ARID4A: variants seen among roughly 807,000 people sequenced by gnomAD.
ARID4A encodes AT-rich interaction domain 4A, also known as AT-rich interactive domain-containing protein 4A.
A neutral mutation model predicts 148.6 loss-of-function variants in ARID4A; 39 were observed. The observed-to-expected ratio is 0.26, with a 90% CI of 0.20 to 0.34. The LOEUF is 0.34. Among genes scored for constraint, ARID4A ranks in the 10% least tolerant of loss-of-function variants. The pLI is 1.00. For synonymous variants in ARID4A, 475 were observed against 481.2 expected, an observed-to-expected ratio of 0.99 and a Z score of 0.17; for missense variants, 1,265 against 1,449.1, an observed-to-expected ratio of 0.87 and a Z score of 2.06.
chr14:58,319,129 G>A (rs1257880537), intron 7 of ARID4A, among the ~76,000 whole-genome samples: 2 of 152,096 alleles, frequency 1.3e-5, no homozygotes, highest in Admixed American at 6.6e-5. Flanking sequence ...GTGCAATCTC[G>A]GCTCACTGCA....
intron 12 of ARID4A, 112 bp from the exon 13 acceptor site, chr14:58,346,299 T>TA (rs2034362754): frequency 1.6e-6 from 1 of 626,730 alleles, no homozygotes; most frequent in Non-Finnish European, 2.7e-6. Context: ...GCTCTTTAAA[T>TA]ATGTGCCTCT....
In ARID4A at chr14:58,366,054, T is replaced by C; in HGVS notation, c.3347T>C (p.Val1116Ala). 1 of 1,613,684 alleles carries C rather than the reference T, an allele frequency of 6.2e-7. No homozygotes were observed. The highest frequency in any genetic ancestry group is 8.5e-7 in the Non-Finnish European group (1 of 1,179,646). Residue 1116 changes from valine (V) to alanine (A), a missense_variant, in exon 22 of 24, where the codon GTC becomes GCC. By Grantham distance (64) the Val-to-Ala change is moderately conservative. This residue lies in a region of ARID4A where 666 missense variants were observed against 730.9 expected (regional missense o/e 0.91). Transcript: ENST00000355431. ...GQSSDSEDLP[V>A]LDNSSKCTPV... is the part of the protein sequence containing the mutation. ...AGCAGTGATAGTGAAGATCTTCCTG[T>C]CCTAGACAATTCAAGTAAATGTACC...
chr14:58,344,414 G>A (rs1042289064), intron 11 of ARID4A, among the ~76,000 whole-genome samples: 2 of 152,050 alleles, frequency 1.3e-5, no homozygotes, highest in African/African-American at 4.8e-5. Flanking sequence ...AGGTGAAAAC[G>A]TAACACTCCC....
intron 15 of ARID4A, among the ~76,000 whole-genome samples, chr14:58,350,354 C>T (rs548693886): frequency 1.2e-4 from 18 of 152,054 alleles, no homozygotes; most frequent in Non-Finnish European, 2.4e-4. Context: ...CTGCTTTATT[C>T]CAAGAAGAGG....
At chr14:58,323,896 CTTTTTT>C (rs545318449) in intron 8 of ARID4A, among the ~76,000 whole-genome samples, 18 of 104,206 alleles carry the variant, frequency 1.7e-4, no homozygotes, top group Non-Finnish European at 3.3e-4. Context: ...CTTAGGTTCC[CTTTTTT>C]TTTTTTTTTT....
chr14:58,368,581 C>T (rs1423759413), intron 23 of ARID4A, among the ~76,000 whole-genome samples: 1 of 151,142 alleles, frequency 6.6e-6, no homozygotes, highest in Admixed American at 6.6e-5. Flanking sequence ...AGATAATGTA[C>T]CATATTAAAA....
chr14:58,343,308 T>A (rs2034203530), intron 11 of ARID4A, among the ~76,000 whole-genome samples: 1 of 152,260 alleles, frequency 6.6e-6, no homozygotes, highest in Non-Finnish European at 1.5e-5. Flanking sequence ...TTATAAATCA[T>A]TATGAATGAA....
Position 58,317,324 on chromosome 14 carries a change from G to A in ARID4A, c.275-1218G>A, listed in dbSNP as rs1453811225. On this transcript the variant is annotated intron_variant, in intron 5 of 23. Transcript: ENST00000355431. Reference sequence around the variant, plus strand: ...TTTTGGGACGGAGTCTTGCTCTGTCGTAGAGGCTGGAGTGCAGTGGTGCAA... The same window carrying A: ...TTTTGGGACGGAGTCTTGCTCTGTCATAGAGGCTGGAGTGCAGTGGTGCAA... Among the ~76,000 whole-genome samples the A allele has an allele frequency of 5.2e-5, 7 of 135,806 alleles. No homozygotes were observed. In the East Asian group the frequency reaches 8.7e-4, roughly 17 times the overall value. 89.1% of individuals were successfully genotyped at this position (135,806 alleles called of 152,430 possible). A position where few individuals can be genotyped will look rare whatever the true frequency, so the allele number is the denominator to read the frequency against.
At chr14:58,359,004 T>G in intron 17 of ARID4A, 128 bp from the exon 18 acceptor site, 1 of 1,048,658 alleles carries the variant, frequency 9.5e-7, no homozygotes, top group Non-Finnish European at 1.4e-6. Context: ...GCCCTTCATA[T>G]TCTTGCCAAC....
At position 58,342,744 on chromosome 14, in the gene ARID4A, C is replaced by A. The variant is rs572173627; in HGVS notation, c.907-1951C>A. Among the ~76,000 whole-genome samples the A allele has an allele frequency of 1.1e-4, 16 of 152,240 alleles. No homozygotes were observed. The East Asian group carries it at 3.1e-3, about 29-fold the overall frequency. The stretch of plus-strand genomic sequence containing the variant: ...CCTAGCCAATGTGGCGAAACCCAGT[C>A]TCTACTAAAAATACAAAAATTAGCC... On this transcript the variant is annotated intron_variant, in intron 11 of 23. Transcript: ENST00000355431.
In ARID4A at chr14:58,318,772, A is replaced by C. The variant is rs760515586; in HGVS notation, c.416A>C (p.Lys139Thr). 2 of 1,614,012 alleles carry C rather than the reference A, an allele frequency of 1.2e-6. No homozygotes were observed. Among genetic ancestry groups the C allele is most frequent in the South Asian group, 2.2e-5 (2 of 91,054 alleles). The change falls in exon 7 of 24, where the codon AAG (lysine) becomes ACG (threonine). Residue 139 changes from lysine to threonine, a missense_variant. Coordinates refer to ENST00000355431, the MANE Select transcript of ARID4A (RefSeq NM_002892.4). ...EHFGTPVIAK[K>T]TNRGRRSSLP... ...TTTGGAACTCCAGTAATTGCAAAGA[A>C]GACGAACAGAGGAAGGAGATCTTCT...
chr14:58,323,291 C>T lies in ARID4A; in HGVS notation c.450-194C>T, dbSNP rs568895435. 5.9e-5 allele frequency among the ~76,000 whole-genome samples: 9 copies of T among 152,138 alleles called. No individual in the cohort carries two copies. The South Asian group carries it at 1.9e-3, about 32-fold the overall frequency. ...ATCTGGCGAAGTGGACTCAGAGTTA[C>T]CATAGACAACTCAGGACTACATACC... On this transcript the variant is annotated intron_variant, in intron 7 of 23. Coordinates refer to ENST00000355431, the MANE Select transcript of ARID4A (RefSeq NM_002892.4).
chr14:58,354,622 G>A (rs2140248903), intron 17 of ARID4A, among the ~76,000 whole-genome samples: 1 of 151,428 alleles, frequency 6.6e-6, no homozygotes, highest in East Asian at 1.9e-4. Context: ...GTTGGAGGCT[G>A]AGATGAGCTA....
chr14:58,320,899 GC>G (rs1408106176), intron 7 of ARID4A, among the ~76,000 whole-genome samples: 5 of 152,222 alleles, frequency 3.3e-5, no homozygotes, highest in Non-Finnish European at 7.4e-5. Context: ...GAGCCACCAC[GC>G]CCAGCCGATG....
intron 13 of ARID4A, 77 bp downstream of exon 13, chr14:58,346,582 G>T: frequency 1.1e-6 from 1 of 872,780 alleles, no homozygotes. Flanking sequence ...ATTATTATAT[G>T]CACATTGGAT....
intron 2 of ARID4A, among the ~76,000 whole-genome samples, 179 bp downstream of exon 2, chr14:58,300,039 T>C (rs949168389): frequency 2.0e-5 from 3 of 152,076 alleles, no homozygotes; most frequent in African/African-American, 7.2e-5. Flanking sequence ...AAATGCGGAG[T>C]TTAGGCCCTC....
At chr14:58,351,428 C>A in intron 16 of ARID4A, 105 bp downstream of exon 16, 1 of 1,411,680 alleles carries the variant, frequency 7.1e-7, no homozygotes, top group Non-Finnish European at 9.5e-7. Context: ...CTTATTGGGA[C>A]TTCCGTTCCT....
At chr14:58,335,590 G>C (rs2033772787) in intron 11 of ARID4A, among the ~76,000 whole-genome samples, 1 of 152,108 alleles carries the variant, frequency 6.6e-6, no homozygotes, top group Non-Finnish European at 1.5e-5. Flanking sequence ...TGGGATTACA[G>C]GCATGAGCCA....
intron 2 of ARID4A, among the ~76,000 whole-genome samples, chr14:58,301,319 A>T (rs2031149344): frequency 6.6e-6 from 1 of 151,950 alleles, no homozygotes; most frequent in Non-Finnish European, 1.5e-5. Context: ...TTTTTGAAAA[A>T]TTTTGTATCG....
Sources: gnomAD v4.1 joint callset for allele counts (sites outside exome capture counted in the v4.1 genomes callset) on GRCh38, gnomAD v4.1.1 for gene constraint, gnomAD v4.1.1 regional missense constraint, MANE v1.5 for transcripts, NCBI Gene and HGNC (gene_info 2026-07-23, HGNC 2026-07-21) for gene names.